HERC1: variants seen among roughly 807,000 people sequenced by gnomAD.
HERC1 encodes HECT and RLD domain containing E3 ubiquitin protein ligase family member 1.
A neutral mutation model predicts 554.3 loss-of-function variants in HERC1; 160 were observed. The ratio of observed to expected loss-of-function variants is 0.29; its 90% CI spans 0.25 to 0.33. HERC1 has a LOEUF of 0.33. Among genes scored for constraint, HERC1 ranks in the 10% least tolerant of loss-of-function variants. HERC1 has a pLI of 1.00. For missense variants in HERC1, 4,919 were observed against 5,918.5 expected (o/e 0.83, Z 5.54); for synonymous variants, 2,175 against 2,131.7 (o/e 1.02, Z -0.56).
In HERC1 at chr15:63,718,424, C is replaced by CT. The variant is rs904119011; in HGVS notation, c.3978+149dup. 0.063 allele frequency: 32,550 copies of CT among 518,580 alleles called. 1 individual carries two copies. The highest frequency in any genetic ancestry group is 0.084 in the East Asian group (1,921 of 22,854). 32.1% of individuals were successfully genotyped at this position (518,580 alleles called of 1,614,324 possible). On this transcript the variant is annotated intron_variant, in intron 21 of 77. Transcript: ENST00000443617. The surrounding 1 kb of genome is among the most constrained non-coding windows in gnomAD (Gnocchi z 4.2). ...GGTTAAGTAAATCTCAAATCTTTTC[C>CT]TTTTTTTTTTTCTGCTAGGAAAAGA...
At chr15:63,765,979 C>T (rs1043911049) in intron 2 of HERC1, among the ~76,000 whole-genome samples, 3 of 152,128 alleles carry the variant, frequency 2.0e-5, no homozygotes, top group Non-Finnish European at 4.4e-5. Context: ...TTACACTCAT[C>T]TCCCAGGCAT....
chr15:63,693,087 A>G (rs2072205346), intron 30 of HERC1, among the ~76,000 whole-genome samples: 1 of 152,052 alleles, frequency 6.6e-6, no homozygotes, highest in Non-Finnish European at 1.5e-5. Flanking sequence ...CTGAGGCAGC[A>G]CAATCGCTTG....
chr15:63,755,171 G>C, intron 6 of HERC1, 58 bp downstream of exon 6: 1 of 1,193,362 alleles, frequency 8.4e-7, no homozygotes, highest in East Asian at 2.4e-5. Flanking sequence ...CGGCTTCTCA[G>C]TAACTTAATC....
At chr15:63,709,723 T>C (rs1176047177) in intron 24 of HERC1, among the ~76,000 whole-genome samples, 1 of 152,210 alleles carries the variant, frequency 6.6e-6, no homozygotes, top group African/African-American at 2.4e-5. Flanking sequence ...ATTTACAATA[T>C]GTAAAGCACT....
In HERC1 at chr15:63,746,830, TC is replaced by T. The variant is rs1488672289; in HGVS notation, c.2520+87del. On this transcript the variant is annotated intron_variant, in intron 12 of 77. Coordinates refer to ENST00000443617, the MANE Select transcript of HERC1 (RefSeq NM_003922.4). ...GGGAAACAACATCCAATTGAAATTG[TC>T]CAATGTACAGTTGAATATATTGTAT... The T allele has an allele frequency of 2.7e-6, 3 of 1,111,758 alleles. No homozygotes were observed. The African/African-American group carries it at 4.8e-5, about 18-fold the overall frequency. 68.9% of individuals were successfully genotyped at this position (1,111,758 alleles called of 1,614,324 possible).
At position 63,749,554 on chromosome 15, in the gene HERC1, A is replaced by T; in HGVS notation, c.2048-16T>A. On this transcript the variant is annotated splice_polypyrimidine_tract_variant and intron_variant, in intron 9 of 77. Coordinates refer to ENST00000443617, the MANE Select transcript of HERC1 (RefSeq NM_003922.4). This position sits in a 1 kb window ranked among gnomAD's most constrained non-coding sequence, Gnocchi z 4.1. ...ACTTCATTATCTAAAAACAAAATATAAAGTATTATATAAAAGAAAAGCCAA... is the reference window on the plus strand; with the variant it reads ...ACTTCATTATCTAAAAACAAAATATTAAGTATTATATAAAAGAAAAGCCAA... 6.3e-7 allele frequency: 1 copy of T among 1,589,450 alleles called. No homozygotes were observed. The highest frequency in any genetic ancestry group is 8.6e-7 in the Non-Finnish European group (1 of 1,168,072).
rs768331401 is a variant in HERC1, at chr15:63,748,538, A to G, written c.2220-680T>C. Among the ~76,000 whole-genome samples, 3 of 152,304 alleles carry G rather than the reference A, an allele frequency of 2.0e-5. No individual in the cohort carries two copies. In the South Asian group the frequency reaches 6.2e-4, roughly 32 times the overall value. On this transcript the variant is annotated intron_variant, in intron 10 of 77. Transcript: ENST00000443617. ...TAGAGTGATATACTGAAATCTATTA[A>G]AAGACAAAATCCTGAAATTTCTTGT...
At chr15:63,660,005 G>C in intron 46 of HERC1, 69 bp from the exon 47 acceptor site, 1 of 1,253,508 alleles carries the variant, frequency 8.0e-7, no homozygotes, top group Non-Finnish European at 1.1e-6. Flanking sequence ...GGCAATGGTT[G>C]TTCTGAAAAT....
chr15:63,659,700 G>A, intron 47 of HERC1, 36 bp downstream of exon 47: 2 of 1,426,932 alleles, frequency 1.4e-6, no homozygotes, highest in Non-Finnish European at 2.0e-6. Flanking sequence ...TATAGTAGAT[G>A]CTATAAAATC....
intron 12 of HERC1, among the ~76,000 whole-genome samples, chr15:63,742,636 G>A (rs1490962347): frequency 1.3e-5 from 2 of 152,116 alleles, no homozygotes; most frequent in African/African-American, 4.8e-5. Flanking sequence ...GGTTAAGAAA[G>A]TTCCCTTCTA....
chr15:63,707,323 A>G (rs1010009972), intron 24 of HERC1, among the ~76,000 whole-genome samples: 1 of 152,252 alleles, frequency 6.6e-6, no homozygotes, highest in Non-Finnish European at 1.5e-5. Context: ...ACCTTCTGGT[A>G]GTATTTGAAA....
intron 21 of HERC1, among the ~76,000 whole-genome samples, chr15:63,717,998 T>G (rs1191019589): frequency 6.6e-6 from 1 of 152,134 alleles, no homozygotes; most frequent in African/African-American, 2.4e-5. Context: ...CCTTTCGTCC[T>G]AGTTGTGTCC....
chr15:63,650,114 G>C (rs1252397786), intron 53 of HERC1, among the ~76,000 whole-genome samples, 189 bp from the exon 54 acceptor site: 1 of 152,064 alleles, frequency 6.6e-6, no homozygotes, highest in African/African-American at 2.4e-5. Context: ...TAAAATTAAA[G>C]TTTTTCAGCC....
chr15:63,791,664 T>C (rs1333313202), intron 1 of HERC1, among the ~76,000 whole-genome samples: 2 of 152,210 alleles, frequency 1.3e-5, no homozygotes. Context: ...TCCAGGTTCC[T>C]TCAGTTCTAA....
intron 53 of HERC1, 65 bp from the exon 54 acceptor site, chr15:63,649,990 C>A (rs570959441): frequency 1.7e-6 from 2 of 1,171,670 alleles, no homozygotes; most frequent in Admixed American, 4.3e-5. Flanking sequence ...GGAACAGAAA[C>A]AAATACTACT....
intron 1 of HERC1, among the ~76,000 whole-genome samples, chr15:63,815,918 G>C (rs987910733): frequency 2.0e-5 from 3 of 152,060 alleles, no homozygotes; most frequent in East Asian, 1.9e-4. Flanking sequence ...CTAGCAAAAG[G>C]GGGGAAAGCC....
chr15:63,796,014 T>G (rs375441661), intron 1 of HERC1, among the ~76,000 whole-genome samples: 11 of 152,324 alleles, frequency 7.2e-5, no homozygotes, highest in East Asian at 3.9e-4. Context: ...TAGGCTAAAT[T>G]GTGGGAGCTA....
chr15:63,651,139 G>C, intron 53 of HERC1, 114 bp downstream of exon 53: 1 of 891,070 alleles, frequency 1.1e-6, no homozygotes, highest in East Asian at 2.5e-5. Flanking sequence ...CAGAGTTGTT[G>C]GAAGGCTTGT....
At chr15:63,738,117 A>C (rs1320358422) in intron 12 of HERC1, among the ~76,000 whole-genome samples, 3 of 152,208 alleles carry the variant, frequency 2.0e-5, no homozygotes, top group Non-Finnish European at 4.4e-5. Flanking sequence ...CATTAACCTC[A>C]TGTAATAACA....
Sources: gnomAD v4.1 joint callset for allele counts (sites outside exome capture counted in the v4.1 genomes callset) on GRCh38, gnomAD v4.1.1 for gene constraint, Gnocchi (gnomAD v3.1) non-coding constraint, MANE v1.5 for transcripts, NCBI Gene and HGNC (gene_info 2026-07-23, HGNC 2026-07-21) for gene names.